CRISPLD2: variants seen among roughly 807,000 people sequenced by gnomAD.
CRISPLD2 encodes the protein cysteine-rich secretory protein LCCL domain-containing 2.
Under a neutral mutation model 71.1 loss-of-function variants are expected in CRISPLD2, and 47 were observed. That is an observed-to-expected ratio of 0.66 (90% CI 0.52 to 0.84). The LOEUF is 0.84. Ranked by LOEUF, CRISPLD2 falls within the 40% of genes least tolerant of loss-of-function variation. The pLI, the probability that CRISPLD2 is intolerant of heterozygous loss-of-function variation, is 0.00. For missense variants in CRISPLD2, 830 were observed against 651.1 expected, an observed-to-expected ratio of 1.27 and a Z score of -2.99; for synonymous variants, 317 against 250.1, an observed-to-expected ratio of 1.27 and a Z score of -2.52.
intron 14 of CRISPLD2, among the ~76,000 whole-genome samples, chr16:84,899,186 C>A (rs562892744): frequency 7.9e-5 from 12 of 152,204 alleles, no homozygotes; most frequent in Non-Finnish European, 1.3e-4. Flanking sequence ...CACTGTGCCC[C>A]GCCTGAGGGA....
intron 13 of CRISPLD2, among the ~76,000 whole-genome samples, chr16:84,886,534 T>A (rs945707083): frequency 6.6e-6 from 1 of 151,944 alleles, no homozygotes; most frequent in African/African-American, 2.4e-5. Context: ...AAAAAAAAAA[T>A]TCACCATAAG....
At chr16:84,861,544 C>T (rs1339623563) in intron 6 of CRISPLD2, among the ~76,000 whole-genome samples, 1 of 152,144 alleles carries the variant, frequency 6.6e-6, no homozygotes, top group Admixed American at 6.5e-5. Flanking sequence ...TTTCTTCCTG[C>T]TTTATATCCT....
At chr16:84,822,754 A>C (rs957132676) in intron 1 of CRISPLD2, among the ~76,000 whole-genome samples, 6 of 152,132 alleles carry the variant, frequency 3.9e-5, no homozygotes. Context: ...TAAAGTCTTA[A>C]ATAGAGCACG....
At chr16:84,829,015 C>T (rs1916423190) in intron 1 of CRISPLD2, 1 of 151,954 alleles carries the variant, frequency 6.6e-6, no homozygotes, top group African/African-American at 2.4e-5. Context: ...GCAGAGGTTC[C>T]AGTGAGCTGA....
Position 84,868,900 on chromosome 16 carries a change from C to G in CRISPLD2, c.903C>G (p.Ser301=). The change falls in exon 8 of 15, where the codon TCC becomes TCG. Residue 301 remains serine (S), a synonymous_variant. Coordinates refer to ENST00000262424, the MANE Select transcript of CRISPLD2 (RefSeq NM_031476.4). ...AGATGAAGGACAGGTGCAAAGGGTC[C>G]ACGTGTAACAGGTGAGCCTGTGCTG... ...DTKMKDRCKG[S]TCNRYQCPAG... 2 of 1,606,578 alleles carry G rather than the reference C, an allele frequency of 1.2e-6. No individual in the cohort carries two copies. The highest frequency in any genetic ancestry group is 1.7e-6 in the Non-Finnish European group (2 of 1,176,796).
chr16:84,852,053 G>C (rs558003404), intron 5 of CRISPLD2, among the ~76,000 whole-genome samples: 1 of 150,168 alleles, frequency 6.7e-6, no homozygotes. Flanking sequence ...CAGATCAAGG[G>C]GTGGCAGCAT....
intron 11 of CRISPLD2, among the ~76,000 whole-genome samples, chr16:84,876,529 C>A (rs775247596): frequency 2.1e-5 from 3 of 144,904 alleles, no homozygotes; most frequent in Middle Eastern, 3.9e-3. Flanking sequence ...GCAGTGGTTT[C>A]CACCTGTAAT....
At chr16:84,858,064 T>C (rs779775890) in intron 6 of CRISPLD2, among the ~76,000 whole-genome samples, 14 of 152,070 alleles carry the variant, frequency 9.2e-5, no homozygotes, top group Non-Finnish European at 1.8e-4. Context: ...AAAAGGAAAG[T>C]AGTTATCTGC....
chr16:84,895,874 G>T (rs1028962684), intron 14 of CRISPLD2, among the ~76,000 whole-genome samples: 7 of 152,122 alleles, frequency 4.6e-5, no homozygotes, highest in African/African-American at 1.7e-4. Context: ...TAAGGAGTGG[G>T]CACTTTGAGG....
chr16:84,870,933 C>G (rs2071463139), intron 8 of CRISPLD2, among the ~76,000 whole-genome samples: 3 of 152,026 alleles, frequency 2.0e-5, no homozygotes, highest in Middle Eastern at 3.4e-3. Flanking sequence ...TGGCATATGC[C>G]TATAGTCCCA....
At chr16:84,902,044 C>T (rs1313465495) in intron 14 of CRISPLD2, among the ~76,000 whole-genome samples, 3 of 151,610 alleles carry the variant, frequency 2.0e-5, no homozygotes, top group Admixed American at 6.6e-5. Flanking sequence ...AGTGATCTGC[C>T]GGCCTCGACC....
At chr16:84,884,620 G>C (rs2071596246) in intron 13 of CRISPLD2, among the ~76,000 whole-genome samples, 2 of 151,460 alleles carry the variant, frequency 1.3e-5, no homozygotes, top group African/African-American at 4.9e-5. Context: ...CCTGTGAGAG[G>C]AGAGGTGTGG....
chr16:84,867,000 A>G lies in CRISPLD2; in HGVS notation c.813A>G (p.Arg271=). 6.2e-7 allele frequency: 1 copy of G among 1,613,944 alleles called. No individual in the cohort carries two copies. The highest frequency in any genetic ancestry group is 8.5e-7 in the Non-Finnish European group (1 of 1,179,992). Residue 271 remains arginine, a synonymous_variant, in exon 7 of 15, where the codon AGA becomes AGG. Coordinates refer to ENST00000262424, the MANE Select transcript of CRISPLD2 (RefSeq NM_031476.4). Reference sequence around the variant, plus strand: ...TTTGGCTCCAACCGAGGGTGATGAGACCCACCAAGCCCAAGAAAACCTCTG... The same window carrying G: ...TTTGGCTCCAACCGAGGGTGATGAGGCCCACCAAGCCCAAGAAAACCTCTG... The part of the protein sequence containing the change: ...NHVWLQPRVM[R]PTKPKKTSAV...
intron 6 of CRISPLD2, among the ~76,000 whole-genome samples, chr16:84,866,238 G>GT (rs149109786): frequency 0.47 from 70,130 of 148,098 alleles, 16,987 homozygotes; most frequent in African/African-American, 0.55. Context: ...TTTGTTTTTT[G>GT]GTTTTTTTTT....
intron 11 of CRISPLD2, among the ~76,000 whole-genome samples, chr16:84,876,943 C>G (rs1429393174): frequency 6.6e-6 from 1 of 152,168 alleles, no homozygotes; most frequent in Non-Finnish European, 1.5e-5. Flanking sequence ...GCCCCTCGCC[C>G]CTCAGCAGGG....
chr16:84,899,588 C>G (rs1262234199), intron 14 of CRISPLD2, among the ~76,000 whole-genome samples: 1 of 152,218 alleles, frequency 6.6e-6, no homozygotes, highest in African/African-American at 2.4e-5. Context: ...ACAGTTGATG[C>G]TGCCAGTTGC....
chr16:84,865,387 C>T (rs1453968679), intron 6 of CRISPLD2, among the ~76,000 whole-genome samples: 1 of 152,174 alleles, frequency 6.6e-6, no homozygotes, highest in Admixed American at 6.5e-5. Flanking sequence ...AACTCCTGAC[C>T]TCATGCAATC....
Position 84,907,246 on chromosome 16 carries a change from C to G in CRISPLD2, c.*604C>G, listed in dbSNP as rs1027629109. 1.9e-5 allele frequency: 3 copies of G among 161,342 alleles called. No homozygotes were observed. Among genetic ancestry groups the G allele is most frequent in the African/African-American group, 4.8e-5 (2 of 41,516 alleles). The allele number at this position is 161,342 out of a possible 1,614,324, so 10.0% of individuals were successfully genotyped here. On this transcript the variant is annotated 3_prime_UTR_variant, in exon 15 of 15. Transcript: ENST00000262424. ...CCCCGGCTCCGCCCTGGCACGTGTC[C>G]TTGCTGGCGGCCCGCCACAGGCCCC...
intron 1 of CRISPLD2, among the ~76,000 whole-genome samples, chr16:84,831,485 C>G (rs1021100990): frequency 6.6e-6 from 1 of 152,144 alleles, no homozygotes; most frequent in Admixed American, 6.5e-5. Flanking sequence ...TCTGCATCTC[C>G]CAGGCTCAAG....
Sources: allele counts gnomAD v4.1 joint callset (sites outside exome capture counted in the v4.1 genomes callset), GRCh38; gene constraint gnomAD v4.1.1; transcripts MANE v1.5; gene names NCBI Gene and HGNC (gene_info 2026-07-23, HGNC 2026-07-21).